Variants in PBX1 observed in about 807,000 individuals in gnomAD.
PBX1 encodes PBX homeobox 1.
PBX1 carries 6 observed loss-of-function variants against 53.4 expected under a neutral mutation model. The observed-to-expected ratio is 0.11, with a 90% CI of 0.06 to 0.22. The LOEUF is 0.22. Ranked by LOEUF, PBX1 falls within the 10% of genes least tolerant of loss-of-function variation. The pLI is 1.00. For missense variants in PBX1, 251 were observed against 551.4 expected (o/e 0.46, Z 5.46); for synonymous variants, 204 against 212.3 (o/e 0.96, Z 0.34).
intron 6 of PBX1, chr1:164,813,183 A>C (rs1462731894): frequency 1.3e-5 from 2 of 152,228 alleles, no homozygotes; most frequent in African/African-American, 4.8e-5. Context: ...AGGGTTCCAC[A>C]GACTGATGTC....
intron 8 of PBX1, among the ~76,000 whole-genome samples, chr1:164,828,224 GATCACACTAAACAGT>G (rs900150131): frequency 2.6e-5 from 4 of 152,082 alleles, no homozygotes; most frequent in African/African-American, 9.7e-5. Flanking sequence ...CTAGTGATAT[GATCACACTAAACAGT>G]ATCACATTTA....
At chr1:164,611,739 A>G (rs916290578) in intron 2 of PBX1, among the ~76,000 whole-genome samples, 1 of 152,166 alleles carries the variant, frequency 6.6e-6, no homozygotes, top group Non-Finnish European at 1.5e-5. Flanking sequence ...AAGAGTAGAG[A>G]AGAGGGTGAC....
chr1:164,820,362 T>C (rs1233591398), intron 7 of PBX1, among the ~76,000 whole-genome samples, 178 bp downstream of exon 7: 13 of 152,114 alleles, frequency 8.5e-5, no homozygotes, highest in Non-Finnish European at 1.2e-4. Flanking sequence ...CGTCCACACT[T>C]TGTGAATGCA....
At chr1:164,631,186 G>GATAGCTTTTAAA (rs1298358656) in intron 2 of PBX1, 4 of 152,044 alleles carry the variant, frequency 2.6e-5, no homozygotes, top group African/African-American at 9.7e-5. Context: ...TGCAGTTTAA[G>GATAGCTTTTAAA]ATAGCTTTTA....
chr1:164,720,267 C>T (rs1664331439), intron 2 of PBX1, among the ~76,000 whole-genome samples: 1 of 151,944 alleles, frequency 6.6e-6, no homozygotes, highest in Non-Finnish European at 1.5e-5. Context: ...TTTAACAGTC[C>T]TGTGGGTTTA....
Position 164,849,401 on chromosome 1 carries a change from GA to G in PBX1, c.*2726del. The G allele has an allele frequency of 6.5e-7, 1 of 1,535,596 alleles. No individual in the cohort carries two copies. Among genetic ancestry groups the G allele is most frequent in the Non-Finnish European group, 8.7e-7 (1 of 1,146,744 alleles). Reference sequence around the variant, plus strand: ...TTCCGACTTCCAACGTGGCATCCGTGAGATCTGTCCACATTAGGCGAAGCAG... The same window carrying G: ...TTCCGACTTCCAACGTGGCATCCGTGGATCTGTCCACATTAGGCGAAGCAG... On this transcript the variant is annotated 3_prime_UTR_variant, in exon 9 of 9. Coordinates refer to ENST00000420696, the MANE Select transcript of PBX1 (RefSeq NM_002585.4).
intron 2 of PBX1, among the ~76,000 whole-genome samples, chr1:164,777,646 G>A (rs570210574): frequency 6.6e-6 from 1 of 152,290 alleles, no homozygotes; most frequent in East Asian, 1.9e-4. Context: ...TTTTTATTCT[G>A]TTCATAATTA....
In PBX1 at chr1:164,851,293, T is replaced by C. The variant is rs1671829089; in HGVS notation, c.*4617T>C. The C allele has an allele frequency of 4.9e-6, 1 of 205,464 alleles. No individual in the cohort carries two copies. Among genetic ancestry groups the C allele is most frequent in the Admixed American group, 6.0e-5 (1 of 16,748 alleles). 12.7% of individuals were successfully genotyped at this position (205,464 alleles called of 1,614,324 possible). On this transcript the variant is annotated 3_prime_UTR_variant, in exon 9 of 9. Transcript: ENST00000420696. ...ATTATGTTCAGAAAGTGGTCAGAACTTAAGCAAGAAAAGTAAAGAAAGAAT... is the reference window on the plus strand; with the variant it reads ...ATTATGTTCAGAAAGTGGTCAGAACCTAAGCAAGAAAAGTAAAGAAAGAAT...
At chr1:164,649,854 T>C (rs2101918940) in intron 2 of PBX1, among the ~76,000 whole-genome samples, 1 of 152,318 alleles carries the variant, frequency 6.6e-6, no homozygotes, top group Non-Finnish European at 1.5e-5. Context: ...AATAAAAATA[T>C]AATGGCTTTC....
intron 2 of PBX1, among the ~76,000 whole-genome samples, chr1:164,579,149 A>G (rs1054214513): frequency 6.6e-6 from 1 of 152,236 alleles, no homozygotes; most frequent in Non-Finnish European, 1.5e-5. Context: ...TCTGTGCTCC[A>G]GGGTTCTTGC....
chr1:164,718,700 C>T (rs1664249537), intron 2 of PBX1, among the ~76,000 whole-genome samples: 1 of 152,096 alleles, frequency 6.6e-6, no homozygotes, highest in Admixed American at 6.5e-5. Context: ...ACAGAGGTTG[C>T]CTGACTGATG....
chr1:164,584,500 T>A (rs1252706505), intron 2 of PBX1, among the ~76,000 whole-genome samples: 1 of 152,198 alleles, frequency 6.6e-6, no homozygotes, highest in Admixed American at 6.5e-5. Flanking sequence ...ATCTCTTAGA[T>A]CTATTGGATC....
intron 6 of PBX1, 83 bp from the exon 7 acceptor site, chr1:164,819,989 G>C: frequency 2.6e-6 from 2 of 773,178 alleles, no homozygotes; most frequent in Non-Finnish European, 4.5e-6. Context: ...TGCTTTGCAT[G>C]TCATTCTTCC....
intron 2 of PBX1, among the ~76,000 whole-genome samples, chr1:164,885,776 A>G (rs1672763383): frequency 6.6e-6 from 1 of 151,532 alleles, no homozygotes; most frequent in Non-Finnish European, 1.5e-5. Context: ...TCAGGTCTTC[A>G]CTCAACTTAC....
intron 2 of PBX1, among the ~76,000 whole-genome samples, chr1:164,779,723 C>T (rs1236884126): frequency 1.3e-5 from 2 of 152,268 alleles, no homozygotes; most frequent in Middle Eastern, 3.4e-3. Context: ...CATGGAAATA[C>T]GGATGGCTTG....
intron 2 of PBX1, among the ~76,000 whole-genome samples, chr1:164,780,938 G>A (rs537436955): frequency 2.6e-5 from 4 of 152,276 alleles, no homozygotes; most frequent in East Asian, 1.9e-4. Flanking sequence ...GGCTTAGTGC[G>A]TTCAGGGGCT....
chr1:164,698,568 G>C (rs1780348), intron 2 of PBX1, among the ~76,000 whole-genome samples: 106,887 of 151,810 alleles, frequency 0.7, 38,440 homozygotes, highest in South Asian at 0.86. Context: ...CCAGCCTCCC[G>C]CATCTGAAGT....
Position 164,851,176 on chromosome 1 carries a change from A to C in PBX1, c.*4500A>C, listed in dbSNP as rs1671820887. ...AGGCAGCTGCTTAAAGCAAATTGCA[A>C]AACTGGCTTGATTTGGAATGTTTTT... On this transcript the variant is annotated 3_prime_UTR_variant, in exon 9 of 9. Transcript: ENST00000420696. 4.6e-6 allele frequency: 1 copy of C among 216,020 alleles called. No individual in the cohort carries two copies. The highest frequency in any genetic ancestry group is 2.3e-5 in the African/African-American group (1 of 44,376). The allele number at this position is 216,020 out of a possible 1,614,324, so 13.4% of individuals were successfully genotyped here. A position where few individuals can be genotyped will look rare whatever the true frequency, so the allele number is the denominator to read the frequency against.
intron 2 of PBX1, among the ~76,000 whole-genome samples, chr1:164,733,692 A>G (rs1665120726): frequency 6.6e-6 from 1 of 152,190 alleles, no homozygotes; most frequent in Non-Finnish European, 1.5e-5. Context: ...CTCAAGTGTA[A>G]AGGAAACCTT....
Sources: allele counts gnomAD v4.1 joint callset (sites outside exome capture counted in the v4.1 genomes callset), GRCh38; gene constraint gnomAD v4.1.1; transcripts MANE v1.5; gene names NCBI Gene and HGNC (gene_info 2026-07-23, HGNC 2026-07-21).